The following NLRP1 variants were observed in gnomAD, a reference collection of about 807,000 sequenced individuals.
NLRP1 encodes NLR family pyrin domain containing 1, also known as NACHT, LRR and PYD domains-containing protein 1.
In NLRP1, 94 loss-of-function variants were observed where a neutral mutation model predicts 136.7. The observed-to-expected ratio is 0.69, with a 90% CI of 0.58 to 0.82. The LOEUF (loss-of-function observed/expected upper bound fraction) is 0.82, where lower values mean the gene tolerates loss of function less well. Ranked by LOEUF, NLRP1 falls within the 40% of genes least tolerant of loss-of-function variation. The pLI is 0.00. For missense variants in NLRP1, 1,575 were observed against 1,802.7 expected (o/e 0.87, Z 2.29); for synonymous variants, 690 against 725.1 (o/e 0.95, Z 0.78).
intron 11 of NLRP1, among the ~76,000 whole-genome samples, chr17:5,532,465 C>T (rs1462170223): frequency 1.3e-5 from 2 of 151,868 alleles, no homozygotes; most frequent in African/African-American, 4.8e-5. Context: ...AGGGTAAAAT[C>T]ACCCGATGTC....
intron 3 of NLRP1, among the ~76,000 whole-genome samples, chr17:5,564,735 T>TG (rs71370073): frequency 1.8e-4 from 3 of 16,636 alleles, no homozygotes; most frequent in Non-Finnish European, 4.8e-4. Flanking sequence ...ATTTTTAGTG[T>TG]TTTTTTTTTT....
At chr17:5,566,238 T>A (rs80251531) in intron 3 of NLRP1, among the ~76,000 whole-genome samples, 2 of 152,094 alleles carry the variant, frequency 1.3e-5, no homozygotes, top group African/African-American at 4.8e-5. Flanking sequence ...CCTGCTTTTC[T>A]CTCTTTAAGA....
chr17:5,583,883 C>A lies in NLRP1; in HGVS notation c.75G>T (p.Gln25His). ...FLKKEELKEF[Q>H]LLLANKAHSR... ...AGTGCGCTTTATTGGCGAGCAGAAGCTGGAACTCCTTCAGCTCCTCCTTCT... is the reference window on the plus strand; with the variant it reads ...AGTGCGCTTTATTGGCGAGCAGAAGATGGAACTCCTTCAGCTCCTCCTTCT... The change falls in exon 1 of 17, where the codon CAG becomes CAT. Residue 25 changes from glutamine to histidine, a missense_variant. Gln to His is a conservative substitution (Grantham distance 24). Coordinates refer to ENST00000572272, the MANE Select transcript of NLRP1 (RefSeq NM_033004.4). This position sits in a 1 kb window ranked among gnomAD's most constrained non-coding sequence, Gnocchi z 4.5. The A allele has an allele frequency of 6.3e-7, 1 of 1,597,114 alleles. No individual in the cohort carries two copies. The highest frequency in any genetic ancestry group is 1.7e-5 in the Admixed American group (1 of 58,154).
chr17:5,515,341 G>T, intron 16 of NLRP1, 132 bp downstream of exon 16: 2 of 831,344 alleles, frequency 2.4e-6, no homozygotes, highest in Non-Finnish European at 4.0e-6. Context: ...ACCATGCACC[G>T]CTCTCCAGGG....
intron 12 of NLRP1, among the ~76,000 whole-genome samples, chr17:5,529,201 G>T (rs1266305458): frequency 6.6e-6 from 1 of 151,922 alleles, no homozygotes; most frequent in Non-Finnish European, 1.5e-5. Context: ...CAGTTTTGGG[G>T]ATTCTCATTC....
chr17:5,533,965 G>A lies in NLRP1; in HGVS notation c.2984C>T (p.Thr995Ile), dbSNP rs34733791. The A allele has an allele frequency of 0.048, 77,699 of 1,611,366 alleles. 2,150 individuals carry two copies. The highest frequency in any genetic ancestry group is 0.083 in the Middle Eastern group (505 of 6,058). The change falls in exon 9 of 17, where the codon ACT (threonine) becomes ATT (isoleucine). Residue 995 changes from threonine (T) to isoleucine (I), a missense_variant. Thr to Ile is a moderately conservative substitution (Grantham distance 89). Coordinates refer to ENST00000572272, the MANE Select transcript of NLRP1 (RefSeq NM_033004.4). Reference protein sequence around the residue: ...SRRKPSVMTPTEGLDTGEMSN... With the variant: ...SRRKPSVMTPIEGLDTGEMSN... ...CATCTCTCCCGTATCCAGGCCCTCA[G>A]TAGGGGTCATCACACTTGGTTTCCT...
At chr17:5,571,630 C>T (rs1904363736) in intron 3 of NLRP1, among the ~76,000 whole-genome samples, 1 of 152,168 alleles carries the variant, frequency 6.6e-6, no homozygotes, top group African/African-American at 2.4e-5. Flanking sequence ...ACATTCCATG[C>T]TCATGAATAG....
intron 12 of NLRP1, among the ~76,000 whole-genome samples, chr17:5,524,225 C>T (rs752793732): frequency 6.6e-6 from 1 of 152,232 alleles, no homozygotes; most frequent in Non-Finnish European, 1.5e-5. Flanking sequence ...GCCTGCATTA[C>T]AGTCTTTCTC....
chr17:5,568,075 C>T (rs1338579276), intron 3 of NLRP1, among the ~76,000 whole-genome samples: 1 of 151,976 alleles, frequency 6.6e-6, no homozygotes, highest in African/African-American at 2.4e-5. Flanking sequence ...GTTCTAAAAC[C>T]TTCTTGTACT....
intron 3 of NLRP1, among the ~76,000 whole-genome samples, chr17:5,565,602 C>T (rs946256654): frequency 2.0e-5 from 3 of 152,120 alleles, no homozygotes; most frequent in African/African-American, 7.2e-5. Context: ...CTTGTAGTAG[C>T]TTCATAGTTT....
At chr17:5,557,109 T>C (rs1000092858) in intron 4 of NLRP1, among the ~76,000 whole-genome samples, 1 of 152,162 alleles carries the variant, frequency 6.6e-6, no homozygotes, top group African/African-American at 2.4e-5. Context: ...ATTCAAGTGA[T>C]TCTCATGCCT....
At chr17:5,520,084 T>C (rs1229014348) in intron 14 of NLRP1, among the ~76,000 whole-genome samples, 2 of 151,434 alleles carry the variant, frequency 1.3e-5, no homozygotes, top group Non-Finnish European at 2.9e-5. Flanking sequence ...CTCGAACTCC[T>C]GACCTCAAGT....
intron 3 of NLRP1, among the ~76,000 whole-genome samples, chr17:5,564,069 G>C (rs2151809593): frequency 6.6e-6 from 1 of 152,150 alleles, no homozygotes; most frequent in South Asian, 2.1e-4. Flanking sequence ...TAAAAATTTT[G>C]TGGATATGTA....
At chr17:5,545,567 C>T (rs1028984657) in intron 5 of NLRP1, among the ~76,000 whole-genome samples, 1 of 152,050 alleles carries the variant, frequency 6.6e-6, no homozygotes. Context: ...GACACACACA[C>T]ACGACTCAGT....
Position 5,549,653 on chromosome 17 carries a change from A to G in NLRP1, c.2528+3733T>C, listed in dbSNP as rs574240693. On this transcript the variant is annotated intron_variant, in intron 5 of 16. Transcript: ENST00000572272. ...CATGTCACCTGCAAATAATAGTTTA[A>G]TTACTTTCTTTTCAATCTGGAAGCT... Among the ~76,000 whole-genome samples the G allele has an allele frequency of 3.3e-5, 5 of 152,288 alleles. No homozygotes were observed. The East Asian group carries it at 9.6e-4, about 29-fold the overall frequency.
At chr17:5,525,734 C>A (rs1189506143) in intron 12 of NLRP1, among the ~76,000 whole-genome samples, 1 of 152,252 alleles carries the variant, frequency 6.6e-6, no homozygotes, top group Non-Finnish European at 1.5e-5. Context: ...TACTTGCCCT[C>A]TCTGTGCATC....
chr17:5,519,005 A>AT lies in NLRP1; in HGVS notation c.3916-1119dup, dbSNP rs879327221. On this transcript the variant is annotated intron_variant, in intron 14 of 16. Transcript: ENST00000572272. ...AGGTGCCCATCACCACTCCCGGCTA[A>AT]TTTTTTTTTTTTTTTGAGACGGAGT... Among the ~76,000 whole-genome samples the AT allele has an allele frequency of 2.2e-3, 304 of 137,546 alleles. 1 individual carries two copies. Among genetic ancestry groups the AT allele is most frequent in the African/African-American group, 2.8e-3 (105 of 37,418 alleles). The allele number at this position is 137,546 out of a possible 152,430, so 90.2% of individuals were successfully genotyped here.
At chr17:5,538,104 C>A (rs1042479338) in intron 7 of NLRP1, among the ~76,000 whole-genome samples, 11 of 152,212 alleles carry the variant, frequency 7.2e-5, no homozygotes, top group African/African-American at 2.4e-4. Context: ...CCCGGACCCC[C>A]TCTGAGAAGG....
rs764323302 is a variant in NLRP1, at chr17:5,558,773, C to G, written c.1923G>C (p.Lys641Asn). ...TGCAATTAGAATGTTTACCTCTCCC[C>G]TTCTCATCCTCCAAGACATAGGACA... is the stretch of plus-strand genomic sequence containing the variant. Reference protein sequence around the residue: ...AAMSYVLEDEKGRGKHSNCII... With the variant: ...AAMSYVLEDENGRGKHSNCII... Residue 641 changes from lysine (K) to asparagine (N), a missense_variant, in exon 4 of 17, where the codon AAG becomes AAC. Coordinates refer to ENST00000572272, the MANE Select transcript of NLRP1 (RefSeq NM_033004.4). The G allele has an allele frequency of 6.2e-7, 1 of 1,614,170 alleles. No homozygotes were observed. Among genetic ancestry groups the G allele is most frequent in the Non-Finnish European group, 8.5e-7 (1 of 1,180,010 alleles).
Sources: gnomAD v4.1 joint callset for allele counts (sites outside exome capture counted in the v4.1 genomes callset) on GRCh38, gnomAD v4.1.1 for gene constraint, Gnocchi (gnomAD v3.1) non-coding constraint, MANE v1.5 for transcripts, NCBI Gene and HGNC (gene_info 2026-07-23, HGNC 2026-07-21) for gene names.